Variants in LRRC59 observed in about 807,000 individuals in gnomAD.
LRRC59 encodes the protein leucine-rich repeat-containing protein 59.
LRRC59 carries 18 observed loss-of-function variants against 33.5 expected under a neutral mutation model. The observed-to-expected ratio is 0.54, with a 90% CI of 0.37 to 0.80. The LOEUF (loss-of-function observed/expected upper bound fraction) is 0.80, where lower values mean the gene tolerates loss of function less well. Among genes scored for constraint, LRRC59 ranks in the 30% least tolerant of loss-of-function variants. The probability of loss-of-function intolerance (pLI) is 0.00; values close to 1 mark genes in which losing one functional copy is unlikely to be tolerated. For missense variants in LRRC59, 330 were observed against 391.9 expected (o/e 0.84, Z 1.33); for synonymous variants, 138 against 160.0 (o/e 0.86, Z 1.04).
Position 50,383,116 on chromosome 17 carries a change from A to G in LRRC59, c.796T>C (p.Cys266Arg). 6.4e-7 allele frequency: 1 copy of G among 1,570,220 alleles called. No individual in the cohort carries two copies. Among genetic ancestry groups the G allele is most frequent in the Non-Finnish European group, 8.6e-7 (1 of 1,158,180 alleles). ...LFGVAGGLVA[C>R]RVTELQQQPL... Reference sequence around the variant, plus strand: ...TGCTGCTGCAGCTCTGTCACCCGACAAGCAACCAGCCCTCCCGCCACACCA... The same window carrying G: ...TGCTGCTGCAGCTCTGTCACCCGACGAGCAACCAGCCCTCCCGCCACACCA... The change falls in exon 7 of 7, where the codon TGT (cysteine) becomes CGT (arginine). Residue 266 changes from cysteine (C) to arginine (R), a missense_variant. Transcript: ENST00000225972.
chr17:50,383,903 C>T (rs188759014), intron 6 of LRRC59, among the ~76,000 whole-genome samples: 17 of 151,776 alleles, frequency 1.1e-4, no homozygotes, highest in Admixed American at 2.6e-4. Context: ...TAATCCTTAT[C>T]ACTACCCTGT....
At chr17:50,383,593 C>T (rs931722421) in intron 6 of LRRC59, among the ~76,000 whole-genome samples, 2 of 151,848 alleles carry the variant, frequency 1.3e-5, no homozygotes, top group Non-Finnish European at 2.9e-5. Flanking sequence ...TGGGGAAACA[C>T]GGTCAGGATT....
chr17:50,383,965 G>C (rs1398865301), intron 6 of LRRC59, among the ~76,000 whole-genome samples: 2 of 150,540 alleles, frequency 1.3e-5, no homozygotes, highest in Non-Finnish European at 3.0e-5. Context: ...TCAGGAAGGT[G>C]GAGGCCTGTG....
chr17:50,392,326 G>A (rs1316886738), intron 4 of LRRC59, 72 bp downstream of exon 4: 1 of 1,241,300 alleles, frequency 8.1e-7, no homozygotes, highest in Non-Finnish European at 1.2e-6. Context: ...GGTGCCCTAG[G>A]AGGGAAAAAC....
rs762199382 is a variant in LRRC59 at position 50,394,939 on chromosome 17, G to A, written c.155C>T (p.Thr52Ile). ...GCATGCCAATCTTACCGGTAGAGTA[G>A]TCAGTTTATTACAAGACAGATCCAG... ...TILDLSCNKLTTLPSDFCGLT... is the reference protein window; with the variant it reads ...TILDLSCNKLITLPSDFCGLT... Residue 52 changes from threonine (T) to isoleucine (I), a missense_variant, in exon 2 of 7, where the codon ACT (threonine) becomes ATT (isoleucine). Transcript: ENST00000225972. The A allele has an allele frequency of 1.9e-5, 31 of 1,603,592 alleles. No homozygotes were observed. Among genetic ancestry groups the A allele is most frequent in the Admixed American group, 1.3e-4 (8 of 59,790 alleles).
Position 50,394,948 on chromosome 17 carries a change from T to C in LRRC59, c.146A>G (p.Asn49Ser). The change falls in exon 2 of 7, where the codon AAT becomes AGT. Residue 49 changes from asparagine (N) to serine (S), a missense_variant. Transcript: ENST00000225972. ...TCTTACCGGTAGAGTAGTCAGTTTA[T>C]TACAAGACAGATCCAGGATGGTGGC... ...PKATILDLSC[N>S]KLTTLPSDFC... 6.2e-7 allele frequency: 1 copy of C among 1,608,532 alleles called. No homozygotes were observed. Among genetic ancestry groups the C allele is most frequent in the Non-Finnish European group, 8.5e-7 (1 of 1,176,094 alleles).
rs1252767074 is a variant in LRRC59, at chr17:50,397,365, AAGG to A, written c.-51_-49del. ...CCGGCTCCGGGGTTCCGGCGGGTGA[AAGG>A]AGCTGAAATGTCGCTTGTCAGTTCA... On this transcript the variant is annotated 5_prime_UTR_variant, in exon 1 of 7. Transcript: ENST00000225972. 1.4e-6 allele frequency: 2 copies of A among 1,457,248 alleles called. No homozygotes were observed. The highest frequency in any genetic ancestry group is 1.9e-5 in the Admixed American group (1 of 53,638). 90.3% of individuals were successfully genotyped at this position (1,457,248 alleles called of 1,614,324 possible).
chr17:50,396,919 G>A, intron 1 of LRRC59: 1 of 399,186 alleles, frequency 2.5e-6, no homozygotes, highest in Non-Finnish European at 4.4e-6. Context: ...GGGCACGGAG[G>A]TGGGCGCTGT....
In LRRC59 at chr17:50,396,105, T is replaced by C. The variant is rs1274771039; in HGVS notation, c.105+1108A>G. 2.0e-5 allele frequency: 3 copies of C among 152,312 alleles called. No homozygotes were observed. In the East Asian group the frequency reaches 5.8e-4, roughly 29 times the overall value. The allele number at this position is 152,312 out of a possible 1,614,324, so 9.4% of individuals were successfully genotyped here. A position where few individuals can be genotyped will look rare whatever the true frequency, so the allele number is the denominator to read the frequency against. On this transcript the variant is annotated intron_variant, in intron 1 of 6. Transcript: ENST00000225972. ...GTAGAAAAGGAGGCATATATTCAGT[T>C]AAGGATCCTCTGGCAACCTGCACTT...
intron 2 of LRRC59, among the ~76,000 whole-genome samples, 160 bp downstream of exon 2, chr17:50,394,769 C>A (rs191197752): frequency 2.2e-4 from 34 of 152,300 alleles, no homozygotes; most frequent in African/African-American, 7.9e-4. Context: ...CTCCATTCCA[C>A]TGTGCCTCCC....
chr17:50,397,010 T>C (rs1372314825), intron 1 of LRRC59: 4 of 439,564 alleles, frequency 9.1e-6, no homozygotes, highest in East Asian at 3.5e-5. Flanking sequence ...CCCTATGTTC[T>C]GGAACTGCGC....
intron 2 of LRRC59, among the ~76,000 whole-genome samples, chr17:50,394,282 C>T (rs1280961902): frequency 6.6e-6 from 1 of 152,118 alleles, no homozygotes; most frequent in Non-Finnish European, 1.5e-5. Flanking sequence ...TTAGGCCTGA[C>T]GGTGCAGGAG....
intron 3 of LRRC59, 81 bp from the exon 4 acceptor site, chr17:50,392,583 C>A: frequency 6.9e-7 from 1 of 1,454,310 alleles, no homozygotes; most frequent in South Asian, 1.2e-5. Context: ...ACAAAATGAG[C>A]AGGAAGAATG....
rs750090448 is a variant in LRRC59 at position 50,383,144 on chromosome 17, T to TAGC, written c.765_767dup (p.Leu256dup). On this transcript the variant is annotated inframe_insertion, in exon 7 of 7. Coordinates refer to ENST00000225972, the MANE Select transcript of LRRC59 (RefSeq NM_018509.4). ...CAACCAGCCCTCCCGCCACACCAAA[T>TAGC]AGCAGCAGCAGCAGCAGCAGCTTCA... is the stretch of plus-strand genomic sequence containing the variant. The TAGC allele has an allele frequency of 3.0e-4, 475 of 1,583,668 alleles. 2 individuals carry two copies. Among genetic ancestry groups the TAGC allele is most frequent in the Middle Eastern group, 1.5e-3 (8 of 5,400 alleles).
At chr17:50,386,186 A>G (rs1347091833) in intron 5 of LRRC59, 1 of 152,212 alleles carries the variant, frequency 6.6e-6, no homozygotes, top group Non-Finnish European at 1.5e-5. Context: ...GAGAAGGAAG[A>G]AAGAAATCTC....
At chr17:50,395,064 T>G (rs1276294639) in intron 1 of LRRC59, 76 bp from the exon 2 acceptor site, 2 of 1,005,400 alleles carry the variant, frequency 2.0e-6, no homozygotes, top group African/African-American at 3.2e-5. Context: ...AATGAAGCAT[T>G]TTCCAGAGAA....
At position 50,394,946 on chromosome 17, in the gene LRRC59, T is replaced by G; in HGVS notation, c.148A>C (p.Lys50Gln). Residue 50 changes from lysine (K) to glutamine (Q), a missense_variant, in exon 2 of 7, where the codon AAA becomes CAA. Physicochemically the swap from Lys to Gln is moderately conservative, Grantham distance 53. Transcript: ENST00000225972. Reference protein sequence around the residue: ...KATILDLSCNKLTTLPSDFCG... With the variant: ...KATILDLSCNQLTTLPSDFCG... The stretch of plus-strand genomic sequence containing the variant: ...AATCTTACCGGTAGAGTAGTCAGTT[T>G]ATTACAAGACAGATCCAGGATGGTG... 6.2e-7 allele frequency: 1 copy of G among 1,606,946 alleles called. No individual in the cohort carries two copies. Among genetic ancestry groups the G allele is most frequent in the Non-Finnish European group, 8.5e-7 (1 of 1,174,876 alleles).
chr17:50,386,163 A>AG (rs1913998413), intron 5 of LRRC59: 2 of 152,248 alleles, frequency 1.3e-5, no homozygotes, highest in Admixed American at 1.3e-4. Flanking sequence ...AGTCAAGTGA[A>AG]GCAGTGGGAG....
chr17:50,395,068 C>T (rs1914239448), intron 1 of LRRC59, 80 bp from the exon 2 acceptor site: 2 of 959,244 alleles, frequency 2.1e-6, no homozygotes, highest in Non-Finnish European at 3.3e-6. Flanking sequence ...AAGCATTTTC[C>T]AGAGAATGTT....
Sources: allele counts gnomAD v4.1 joint callset (sites outside exome capture counted in the v4.1 genomes callset), GRCh38; gene constraint gnomAD v4.1.1; transcripts MANE v1.5; gene names NCBI Gene and HGNC (gene_info 2026-07-23, HGNC 2026-07-21).